The following FBXW4 variants were observed in gnomAD, a reference collection of about 807,000 sequenced individuals.
FBXW4 encodes the protein F-box/WD repeat-containing protein 4.
In FBXW4, 40 loss-of-function variants were observed where a neutral mutation model predicts 61.8. The observed-to-expected ratio is 0.65, with a 90% CI of 0.50 to 0.84. The LOEUF (loss-of-function observed/expected upper bound fraction) is 0.84, where lower values mean the gene tolerates loss of function less well. Among genes scored for constraint, FBXW4 ranks in the 40% least tolerant of loss-of-function variants. FBXW4 has a pLI of 0.00. For missense variants in FBXW4, 672 were observed against 753.8 expected (o/e 0.89, Z 1.27); for synonymous variants, 311 against 313.8 (o/e 0.99, Z 0.10).
At chr10:101,681,672 G>A (rs1263280356) in intron 1 of FBXW4, among the ~76,000 whole-genome samples, 5 of 145,080 alleles carry the variant, frequency 3.4e-5, no homozygotes, top group Admixed American at 6.9e-5. Context: ...AGCTGAGATC[G>A]CGCCACTGCA....
chr10:101,645,435 G>T (rs2064088320), intron 5 of FBXW4, among the ~76,000 whole-genome samples: 1 of 152,192 alleles, frequency 6.6e-6, no homozygotes, highest in Admixed American at 6.5e-5. Flanking sequence ...TGTCAGTCCT[G>T]TGTCTCACTT....
chr10:101,694,662 G>T lies in FBXW4; in HGVS notation c.444C>A (p.Asp148Glu), dbSNP rs1282132505. ...CCATGGCCACCCCTGTCCCCGCGAT[G>T]TCGGCCCAAGCCTGACCCCCTCGTC... is the stretch of plus-strand genomic sequence containing the variant. ...AQGRGGQAWADIAGTGVAMAA... is the reference protein window; with the variant it reads ...AQGRGGQAWAEIAGTGVAMAA... Residue 148 changes from aspartate (D) to glutamate (E), a missense_variant, in exon 1 of 9, where the codon GAC (aspartate) becomes GAA (glutamate). Around this residue, in one of 5 missense-constraint regions of FBXW4, gnomAD observed 311 missense variants for 301.1 expected, o/e 1.03. Transcript: ENST00000331272. This position sits in a 1 kb window ranked among gnomAD's most constrained non-coding sequence, Gnocchi z 6.0. 1.2e-5 allele frequency: 17 copies of T among 1,409,730 alleles called. No homozygotes were observed. Among genetic ancestry groups the T allele is most frequent in the African/African-American group, 1.5e-5 (1 of 66,166 alleles). 87.3% of individuals were successfully genotyped at this position (1,409,730 alleles called of 1,614,324 possible).
intron 6 of FBXW4, among the ~76,000 whole-genome samples, chr10:101,622,517 G>A (rs1446785780): frequency 6.6e-6 from 1 of 152,034 alleles, no homozygotes; most frequent in Admixed American, 6.6e-5. Flanking sequence ...CACGAGGTCA[G>A]GAGATCGAGA....
rs576343769 is a variant in FBXW4, at chr10:101,663,694, C to T, written c.1235+4192G>A. On this transcript the variant is annotated intron_variant, in intron 5 of 8. Coordinates refer to ENST00000331272, the MANE Select transcript of FBXW4 (RefSeq NM_022039.4). ...TACTCTTGGGAAGTTGCTCAGAATT[C>T]CATGTGACCTCAGGAGGTTGTATCT... is the stretch of plus-strand genomic sequence containing the variant. Among the ~76,000 whole-genome samples the T allele has an allele frequency of 2.6e-5, 4 of 152,022 alleles. No homozygotes were observed. The South Asian group carries it at 8.3e-4, about 32-fold the overall frequency.
intron 5 of FBXW4, among the ~76,000 whole-genome samples, chr10:101,657,924 C>T (rs2064204170): frequency 6.6e-6 from 1 of 152,146 alleles, no homozygotes; most frequent in African/African-American, 2.4e-5. Flanking sequence ...TCAACAGTAT[C>T]AACATATTCT....
chr10:101,667,350 T>G (rs2064313486), intron 5 of FBXW4, among the ~76,000 whole-genome samples: 1 of 152,146 alleles, frequency 6.6e-6, no homozygotes, highest in Admixed American at 6.6e-5. Context: ...AATTTCACAC[T>G]TTTGCTACAA....
chr10:101,653,844 C>T (rs1327540725), intron 5 of FBXW4, among the ~76,000 whole-genome samples: 14 of 152,156 alleles, frequency 9.2e-5, no homozygotes, highest in Admixed American at 9.2e-4. Flanking sequence ...CACTCGGGGC[C>T]AGGCGCAGTG....
rs375141183 is a variant in FBXW4, at chr10:101,635,898, C to T, written c.1236-11088G>A. Among the ~76,000 whole-genome samples, 8 of 151,092 alleles carry T rather than the reference C, an allele frequency of 5.3e-5. No homozygotes were observed. The East Asian group carries it at 5.8e-4, about 11-fold the overall frequency. ...ACCCCTCCAGCATCCTGCCTTGGAG[C>T]CCACTTCCTCCCTACCCTGGGGGGG... is the stretch of plus-strand genomic sequence containing the variant. On this transcript the variant is annotated intron_variant, in intron 5 of 8. Coordinates refer to ENST00000331272, the MANE Select transcript of FBXW4 (RefSeq NM_022039.4).
intron 5 of FBXW4, among the ~76,000 whole-genome samples, chr10:101,638,689 G>A (rs1348863655): frequency 2.0e-5 from 3 of 152,210 alleles, no homozygotes; most frequent in Non-Finnish European, 4.4e-5. Context: ...GAAGTTACCT[G>A]AAAGATGTGT....
At chr10:101,647,082 T>C (rs2064106632) in intron 5 of FBXW4, among the ~76,000 whole-genome samples, 1 of 152,228 alleles carries the variant, frequency 6.6e-6, no homozygotes, top group Non-Finnish European at 1.5e-5. Flanking sequence ...GCAGTACTGC[T>C]AGTCATGTGT....
chr10:101,683,884 G>T (rs1328651502), intron 1 of FBXW4, among the ~76,000 whole-genome samples: 4 of 152,190 alleles, frequency 2.6e-5, no homozygotes, highest in Non-Finnish European at 5.9e-5. Context: ...GTACAACAAG[G>T]CCATGTCAAG....
chr10:101,658,286 T>A (rs1482646462), intron 5 of FBXW4, among the ~76,000 whole-genome samples: 3 of 152,052 alleles, frequency 2.0e-5, no homozygotes, highest in African/African-American at 4.8e-5. Flanking sequence ...GTGGCGCACA[T>A]CTATAATCCC....
chr10:101,692,988 T>A (rs2064627698), intron 1 of FBXW4, among the ~76,000 whole-genome samples: 1 of 152,064 alleles, frequency 6.6e-6, no homozygotes. Flanking sequence ...AGATTCCAAA[T>A]TTATAGGAAA....
chr10:101,680,735 G>C (rs1462053815), intron 1 of FBXW4, among the ~76,000 whole-genome samples: 1 of 152,164 alleles, frequency 6.6e-6, no homozygotes, highest in African/African-American at 2.4e-5. Flanking sequence ...CATTCAGCAG[G>C]TACAGTCTTT....
chr10:101,669,077 C>A (rs765910605), intron 4 of FBXW4, among the ~76,000 whole-genome samples: 11 of 152,090 alleles, frequency 7.2e-5, no homozygotes, highest in Non-Finnish European at 1.6e-4. Flanking sequence ...CATGATAACT[C>A]TTCCCTATAA....
intron 5 of FBXW4, among the ~76,000 whole-genome samples, chr10:101,633,205 G>A (rs918715574): frequency 9.2e-5 from 14 of 152,290 alleles, no homozygotes; most frequent in Non-Finnish European, 1.8e-4. Context: ...ACAGTGTGGC[G>A]ATTCCTCAAG....
chr10:101,676,738 G>GAAAAAAAAAAAAAAAAAAAAAA (rs2064413552), intron 1 of FBXW4: 1 of 81,120 alleles, frequency 1.2e-5, no homozygotes, highest in Non-Finnish European at 2.3e-5. Context: ...AAAAAAAAAT[G>GAAAAAAAAAAAAAAAAAAAAAA]AAATGAATCC....
intron 6 of FBXW4, among the ~76,000 whole-genome samples, chr10:101,617,185 GGTAA>G (rs1375773901): frequency 6.6e-6 from 1 of 152,152 alleles, no homozygotes; most frequent in Non-Finnish European, 1.5e-5. Flanking sequence ...AGGCTTTGGA[GGTAA>G]GTTTCTTAAC....
chr10:101,624,700 T>C lies in FBXW4; in HGVS notation c.1301+45A>G, dbSNP rs763370651. 3 of 1,608,050 alleles carry C rather than the reference T, an allele frequency of 1.9e-6. No homozygotes were observed. In the Admixed American group the frequency reaches 5.0e-5, roughly 27 times the overall value. Reference sequence around the variant, plus strand: ...AGAGGCTGGCTCAGCAAGCTTTCCCTCACCTCCTGGACTGGAAGCCAGCAT... The same window carrying C: ...AGAGGCTGGCTCAGCAAGCTTTCCCCCACCTCCTGGACTGGAAGCCAGCAT... On this transcript the variant is annotated intron_variant, in intron 6 of 8. Coordinates refer to ENST00000331272, the MANE Select transcript of FBXW4 (RefSeq NM_022039.4).
Sources: allele counts gnomAD v4.1 joint callset (sites outside exome capture counted in the v4.1 genomes callset), GRCh38; gene constraint gnomAD v4.1.1; regional missense constraint gnomAD v4.1.1; non-coding constraint Gnocchi (gnomAD v3.1); transcripts MANE v1.5; gene names NCBI Gene and HGNC (gene_info 2026-07-23, HGNC 2026-07-21).